Variants in RSPO3 observed in about 807,000 individuals in gnomAD.
RSPO3 encodes the protein R-spondin 3.
Under a neutral mutation model 36.5 loss-of-function variants are expected in RSPO3, and 17 were observed. That is an observed-to-expected ratio of 0.47 (90% CI 0.32 to 0.70). The LOEUF (loss-of-function observed/expected upper bound fraction) is 0.70, where lower values mean the gene tolerates loss of function less well. RSPO3 is among the 30% of genes least tolerant of loss of function. The pLI, the probability that RSPO3 is intolerant of heterozygous loss-of-function variation, is 0.04. For missense variants in RSPO3, 294 were observed against 322.5 expected (o/e 0.91, Z 0.68); for synonymous variants, 108 against 107.0 (o/e 1.01, Z -0.06).
Position 127,148,659 on chromosome 6 carries a change from G to A in RSPO3, c.109G>A (p.Val37Ile), listed in dbSNP as rs145301858. The A allele has an allele frequency of 9.3e-4, 1,494 of 1,611,710 alleles. 9 individuals are homozygous for A. The African/African-American group carries it at 0.012, about 13-fold the overall frequency. The change falls in exon 2 of 5, where the codon GTT becomes ATT. Residue 37 changes from valine to isoleucine, a missense_variant. Val to Ile is a conservative substitution (Grantham distance 29). Coordinates refer to ENST00000356698, the MANE Select transcript of RSPO3 (RefSeq NM_032784.5). Reference protein sequence around the residue: ...GRRQRRMHPNVSQGCQGGCAT... With the variant: ...GRRQRRMHPNISQGCQGGCAT... ...ATTTGTCTCCACAGTGCATCCTAAC[G>A]TTAGTCAAGGCTGCCAAGGAGGCTG...
At chr6:127,134,148 A>T (rs559598938) in intron 1 of RSPO3, among the ~76,000 whole-genome samples, 2 of 152,298 alleles carry the variant, frequency 1.3e-5, no homozygotes, top group South Asian at 4.1e-4. Flanking sequence ...AGGAAGATTA[A>T]CTGAAAACAT....
At chr6:127,136,680 G>T (rs540956282) in intron 1 of RSPO3, among the ~76,000 whole-genome samples, 1 of 152,180 alleles carries the variant, frequency 6.6e-6, no homozygotes, top group East Asian at 1.9e-4. Flanking sequence ...CACAAGGTTG[G>T]TAAGTTGCAA....
intron 4 of RSPO3, among the ~76,000 whole-genome samples, chr6:127,188,717 A>G (rs1020408933): frequency 6.6e-6 from 1 of 152,192 alleles, no homozygotes; most frequent in Non-Finnish European, 1.5e-5. Flanking sequence ...TGACTCAAAA[A>G]GTTTATTCCA....
chr6:127,146,387 A>C (rs1774384686), intron 1 of RSPO3, among the ~76,000 whole-genome samples: 1 of 152,128 alleles, frequency 6.6e-6, no homozygotes, highest in African/African-American at 2.4e-5. Context: ...GAGGGAATCA[A>C]GCAAGGTATT....
rs193261783 is a variant in RSPO3, at chr6:127,189,321, G to C, written c.635-6502G>C. ...CAACAGTAAGTCTGAGTTAGGGCAAGGGATCTAGAAACTGCATTCTAGATA... is the reference window on the plus strand; with the variant it reads ...CAACAGTAAGTCTGAGTTAGGGCAACGGATCTAGAAACTGCATTCTAGATA... On this transcript the variant is annotated intron_variant, in intron 4 of 4. Transcript: ENST00000356698. 1.4e-3 allele frequency among the ~76,000 whole-genome samples: 214 copies of C among 151,524 alleles called. 1 individual carries two copies. The highest frequency in any genetic ancestry group is 1.3e-3 in the South Asian group (6 of 4,776).
intron 4 of RSPO3, chr6:127,192,668 G>A (rs1035510439): frequency 1.3e-5 from 13 of 985,150 alleles, no homozygotes; most frequent in South Asian, 9.4e-5. Context: ...GGAGATGAAC[G>A]CTGTTTTAAT....
chr6:127,150,723 A>C (rs1218089186), intron 3 of RSPO3, 151 bp downstream of exon 3: 10 of 665,266 alleles, frequency 1.5e-5, no homozygotes, highest in Non-Finnish European at 2.4e-5. Flanking sequence ...TACTCTCTTA[A>C]AGGTGTTTTT....
chr6:127,180,487 C>CAAAAAAAAAAAAAAAAA (rs71543112), intron 4 of RSPO3, among the ~76,000 whole-genome samples: 5 of 42,640 alleles, frequency 1.2e-4, no homozygotes, highest in Admixed American at 3.6e-4. Flanking sequence ...TGGAAGAAAA[C>CAAAAAAAAAAAAAAAAA]AAAAAAAAAA....
intron 1 of RSPO3, among the ~76,000 whole-genome samples, chr6:127,124,094 A>T (rs1773895272): frequency 6.6e-6 from 1 of 152,044 alleles, no homozygotes; most frequent in Admixed American, 6.5e-5. Flanking sequence ...TACTATGTAG[A>T]GTTTTCAGAG....
At chr6:127,158,972 A>G (rs948877538) in intron 4 of RSPO3, among the ~76,000 whole-genome samples, 2 of 152,192 alleles carry the variant, frequency 1.3e-5, no homozygotes, top group African/African-American at 4.8e-5. Context: ...ACTAATATAT[A>G]AACTATTATC....
At chr6:127,189,396 G>C (rs1775362659) in intron 4 of RSPO3, among the ~76,000 whole-genome samples, 1 of 151,798 alleles carries the variant, frequency 6.6e-6, no homozygotes, top group Non-Finnish European at 1.5e-5. Flanking sequence ...GACAAGTGCA[G>C]GGGTGACTAA....
At chr6:127,173,925 A>G (rs112775661) in intron 4 of RSPO3, among the ~76,000 whole-genome samples, 50 of 152,044 alleles carry the variant, frequency 3.3e-4, no homozygotes, top group African/African-American at 1.2e-3. Flanking sequence ...TGTTAACCGA[A>G]TAAGAGTTTC....
At chr6:127,161,768 C>A (rs750138952) in intron 4 of RSPO3, among the ~76,000 whole-genome samples, 1 of 152,000 alleles carries the variant, frequency 6.6e-6, no homozygotes, top group Non-Finnish European at 1.5e-5. Flanking sequence ...TGCTTTGTGA[C>A]CCATTGGTGA....
intron 4 of RSPO3, among the ~76,000 whole-genome samples, chr6:127,167,854 T>G (rs1192201861): frequency 2.0e-4 from 30 of 151,774 alleles, no homozygotes; most frequent in Admixed American, 2.0e-3. Context: ...AGTGAGAACA[T>G]GCGGTGTTTG....
chr6:127,155,134 T>A (rs771961507), intron 3 of RSPO3, 107 bp from the exon 4 acceptor site: 1 of 1,042,054 alleles, frequency 9.6e-7, no homozygotes, highest in Non-Finnish European at 1.5e-6. Flanking sequence ...TCTGCAAGAT[T>A]CTTCTCAAAT....
chr6:127,142,485 CT>C (rs1774292839), intron 1 of RSPO3, among the ~76,000 whole-genome samples: 1 of 152,148 alleles, frequency 6.6e-6, no homozygotes, highest in Non-Finnish European at 1.5e-5. Context: ...TTACTCCAAA[CT>C]TAAATGTGAC....
At chr6:127,136,680 G>A (rs540956282) in intron 1 of RSPO3, among the ~76,000 whole-genome samples, 1 of 152,298 alleles carries the variant, frequency 6.6e-6, no homozygotes, top group South Asian at 2.1e-4. Flanking sequence ...CACAAGGTTG[G>A]TAAGTTGCAA....
chr6:127,125,117 T>C (rs1773914671), intron 1 of RSPO3, among the ~76,000 whole-genome samples: 1 of 152,166 alleles, frequency 6.6e-6, no homozygotes, highest in Non-Finnish European at 1.5e-5. Context: ...TGCTATCTGC[T>C]GTAGCTAAAA....
intron 1 of RSPO3, among the ~76,000 whole-genome samples, chr6:127,119,561 A>G (rs1773795718): frequency 1.3e-5 from 2 of 152,308 alleles, no homozygotes; most frequent in South Asian, 4.1e-4. Context: ...GGTTCGCGGG[A>G]AAGTTCGGTC....
Sources: allele counts gnomAD v4.1 joint callset (sites outside exome capture counted in the v4.1 genomes callset), GRCh38; gene constraint gnomAD v4.1.1; transcripts MANE v1.5; gene names NCBI Gene and HGNC (gene_info 2026-07-23, HGNC 2026-07-21).